ARID2: variants seen among roughly 807,000 people sequenced by gnomAD.
ARID2 encodes the protein AT-rich interaction domain 2.
In ARID2, 32 loss-of-function variants were observed where a neutral mutation model predicts 184.6. That is an observed-to-expected ratio of 0.17 (90% confidence interval 0.13 to 0.23). ARID2 has a LOEUF of 0.23. Ranked by LOEUF, ARID2 falls within the 10% of genes least tolerant of loss-of-function variation. The pLI is 1.00. For synonymous variants in ARID2, 836 were observed against 772.6 expected, an observed-to-expected ratio of 1.08 and a Z score of -1.36; for missense variants, 1,696 against 2,197.6, an observed-to-expected ratio of 0.77 and a Z score of 4.56.
rs2138167372 is a variant in ARID2, at chr12:45,851,046, T to C, written c.2923T>C (p.Ser975Pro). 2.5e-6 allele frequency: 4 copies of C among 1,614,116 alleles called. No homozygotes were observed. Among genetic ancestry groups the C allele is most frequent in the Non-Finnish European group, 3.4e-6 (4 of 1,180,006 alleles). The change falls in exon 15 of 21, where the codon TCA becomes CCA. Residue 975 changes from serine to proline, a missense_variant. By Grantham distance (74) the Ser-to-Pro change is moderately conservative. Coordinates refer to ENST00000334344, the MANE Select transcript of ARID2 (RefSeq NM_152641.4). Reference protein sequence around the residue: ...QPNITPSSSPSPVPATNNQVP... With the variant: ...QPNITPSSSPPPVPATNNQVP... ...TAACATAACTCCATCTTCTTCACCA[T>C]CACCTGTCCCAGCTACTAATAACCA...
chr12:45,891,714 A>G, intron 16 of ARID2, 66 bp from the exon 17 acceptor site: 3 of 1,550,106 alleles, frequency 1.9e-6, no homozygotes, highest in Admixed American at 2.0e-5. Context: ...AAGCAGAGAA[A>G]TTTTTGAAAT....
chr12:45,752,713 A>G (rs552179959), intron 3 of ARID2, among the ~76,000 whole-genome samples: 22 of 152,204 alleles, frequency 1.4e-4, no homozygotes, highest in East Asian at 7.7e-4. Context: ...GGATCTCGCT[A>G]TGTTGCCCAG....
At chr12:45,868,626 CT>C (rs1479397423) in intron 16 of ARID2, among the ~76,000 whole-genome samples, 2 of 152,150 alleles carry the variant, frequency 1.3e-5, no homozygotes, top group Non-Finnish European at 2.9e-5. Context: ...AATATTTTTA[CT>C]TTTTGATTAA....
chr12:45,829,075 G>T (rs1328178533), intron 6 of ARID2, among the ~76,000 whole-genome samples: 1 of 151,882 alleles, frequency 6.6e-6, no homozygotes, highest in Non-Finnish European at 1.5e-5. Context: ...GTGTTTTTGT[G>T]TATGTGGTAT....
intron 8 of ARID2, 52 bp downstream of exon 8, chr12:45,837,043 G>T: frequency 6.4e-7 from 1 of 1,569,926 alleles, no homozygotes. Flanking sequence ...CAACATTTAT[G>T]TTACAATTTT....
intron 20 of ARID2, among the ~76,000 whole-genome samples, chr12:45,896,268 T>C (rs1944366541): frequency 6.6e-6 from 1 of 152,146 alleles, no homozygotes; most frequent in Non-Finnish European, 1.5e-5. Flanking sequence ...GGGCAAGGAT[T>C]CCCTGTATGC....
At chr12:45,854,578 T>G (rs1423881169) in intron 15 of ARID2, among the ~76,000 whole-genome samples, 1 of 152,186 alleles carries the variant, frequency 6.6e-6, no homozygotes, top group African/African-American at 2.4e-5. Context: ...GTTTTTTCTC[T>G]TATATTTAAT....
intron 3 of ARID2, among the ~76,000 whole-genome samples, chr12:45,769,375 T>C (rs1269555628): frequency 6.6e-6 from 1 of 152,236 alleles, no homozygotes. Context: ...AGTGGGATTC[T>C]ATAATTGAAA....
chr12:45,823,525 TAAAC>T (rs2138101967), intron 6 of ARID2, among the ~76,000 whole-genome samples: 1 of 151,680 alleles, frequency 6.6e-6, no homozygotes, highest in Admixed American at 6.6e-5. Flanking sequence ...TTTGATAAGA[TAAAC>T]AAAATTGAGA....
chr12:45,777,188 A>G (rs774790342), intron 3 of ARID2, among the ~76,000 whole-genome samples: 3 of 152,036 alleles, frequency 2.0e-5, no homozygotes, highest in Admixed American at 1.3e-4. Context: ...TAGTATGCTG[A>G]AAACTGCAAT....
Position 45,852,522 on chromosome 12 carries a change from G to A in ARID2, c.4399G>A (p.Val1467Ile), listed in dbSNP as rs373317295. ...AGATGTGCCTCAGCAACGCCCAAGT[G>A]TAGTTGTCTCACCACATTCTACAAC... Reference protein sequence around the residue: ...NSDVPQQRPSVVVSPHSTTSV... With the variant: ...NSDVPQQRPSIVVSPHSTTSV... The change falls in exon 15 of 21, where the codon GTA becomes ATA. Residue 1467 changes from valine to isoleucine, a missense_variant. Physicochemically the swap from Val to Ile is conservative, Grantham distance 29. Transcript: ENST00000334344. 5.0e-6 allele frequency: 8 copies of A among 1,614,160 alleles called. No individual in the cohort carries two copies. Among genetic ancestry groups the A allele is most frequent in the Non-Finnish European group, 6.8e-6 (8 of 1,180,016 alleles).
intron 3 of ARID2, among the ~76,000 whole-genome samples, chr12:45,765,855 A>C (rs2138016305): frequency 6.6e-6 from 1 of 152,320 alleles, no homozygotes; most frequent in East Asian, 1.9e-4. Flanking sequence ...ATCCCCAGGC[A>C]ACCACTAATT....
At chr12:45,791,125 A>G (rs892322682) in intron 3 of ARID2, among the ~76,000 whole-genome samples, 3 of 152,120 alleles carry the variant, frequency 2.0e-5, no homozygotes, top group African/African-American at 4.8e-5. Context: ...GCTGTTTCCC[A>G]TAGTGGCTAC....
At chr12:45,819,747 GTT>G (rs199943110) in intron 5 of ARID2, among the ~76,000 whole-genome samples, 3 of 143,462 alleles carry the variant, frequency 2.1e-5, no homozygotes, top group Admixed American at 7.0e-5. Context: ...GTTTTTTTGG[GTT>G]TTTTTTTTTT....
chr12:45,786,052 A>T (rs1164760405), intron 3 of ARID2, among the ~76,000 whole-genome samples: 1 of 152,212 alleles, frequency 6.6e-6, no homozygotes, highest in Non-Finnish European at 1.5e-5. Flanking sequence ...CCCAATATTG[A>T]ATAGCTCTGT....
At chr12:45,764,876 G>A (rs901006528) in intron 3 of ARID2, among the ~76,000 whole-genome samples, 1 of 152,194 alleles carries the variant, frequency 6.6e-6, no homozygotes, top group African/African-American at 2.4e-5. Context: ...GAGTAAAATT[G>A]CTGGGTTATA....
intron 6 of ARID2, among the ~76,000 whole-genome samples, chr12:45,833,290 A>G (rs1165061460): frequency 5.3e-5 from 8 of 152,090 alleles, no homozygotes; most frequent in African/African-American, 1.9e-4. Flanking sequence ...AAGTCAAGGA[A>G]CATCTGTATT....
At chr12:45,796,247 T>A (rs1319220847) in intron 3 of ARID2, among the ~76,000 whole-genome samples, 3 of 151,940 alleles carry the variant, frequency 2.0e-5, no homozygotes, top group East Asian at 3.9e-4. Flanking sequence ...TACTGTATGA[T>A]TTTTTTCTAA....
At chr12:45,811,343 CAA>C (rs1475091714) in intron 3 of ARID2, 73 bp from the exon 4 acceptor site, 46 of 1,415,926 alleles carry the variant, frequency 3.2e-5, no homozygotes, top group Non-Finnish European at 4.0e-5. Flanking sequence ...AAAAGGAAAA[CAA>C]ATATGTGGTG....
Sources: gnomAD v4.1 joint callset for allele counts (sites outside exome capture counted in the v4.1 genomes callset) on GRCh38, gnomAD v4.1.1 for gene constraint, MANE v1.5 for transcripts, NCBI Gene and HGNC (gene_info 2026-07-23, HGNC 2026-07-21) for gene names.